Variants in RP1 observed in about 807,000 individuals in gnomAD.
RP1 encodes oxygen-regulated protein 1.
In RP1, 16 loss-of-function variants were observed where a neutral mutation model predicts 14.8. The ratio of observed to expected loss-of-function variants is 1.08; its 90% CI spans 0.73 to 1.65. The LOEUF (loss-of-function observed/expected upper bound fraction) is 1.65. Ranked by LOEUF, RP1 falls within the 40% of genes most tolerant of loss-of-function variation. The pLI is 0.00. For synonymous variants in RP1, 876 were observed against 883.6 expected, an observed-to-expected ratio of 0.99 and a Z score of 0.15; for missense variants, 2,631 against 2,535.0, an observed-to-expected ratio of 1.04 and a Z score of -0.81.
intron 17 of RP1, among the ~76,000 whole-genome samples, chr8:54,726,874 G>C (rs1434556690): frequency 6.6e-6 from 1 of 151,538 alleles, no homozygotes; most frequent in Non-Finnish European, 1.5e-5. Context: ...TTAAAAAAAA[G>C]TGCTCTCGGT....
At chr8:54,560,479 T>C (rs1586382610) in intron 1 of RP1, 1 of 152,156 alleles carries the variant, frequency 6.6e-6, no homozygotes, top group East Asian at 2.0e-4. Flanking sequence ...TAGGTGCCGA[T>C]GGTGCAGGTG....
At chr8:54,739,100 C>G in intron 19 of RP1, 1 of 1,113,994 alleles carries the variant, frequency 9.0e-7, no homozygotes. Flanking sequence ...CTATGTAAAG[C>G]AGTGAAAACG....
At chr8:54,671,434 C>G (rs1278376912) in intron 7 of RP1, among the ~76,000 whole-genome samples, 1 of 152,110 alleles carries the variant, frequency 6.6e-6, no homozygotes, top group East Asian at 1.9e-4. Context: ...CCCTTTGTCT[C>G]TCTCTTTTCC....
chr8:54,607,918 C>A (rs917150977), intron 1 of RP1, among the ~76,000 whole-genome samples: 3 of 152,068 alleles, frequency 2.0e-5, no homozygotes, highest in African/African-American at 7.2e-5. Flanking sequence ...GTGGGAGTGA[C>A]CTGGTTTTCC....
chr8:54,673,971 T>C (rs1807237709), intron 8 of RP1: 1 of 1,409,382 alleles, frequency 7.1e-7, no homozygotes, highest in Non-Finnish European at 9.7e-7. Flanking sequence ...CTGATTCCAT[T>C]CTGTTTATAT....
chr8:54,678,660 G>C, intron 9 of RP1: 2 of 685,454 alleles, frequency 2.9e-6, no homozygotes, highest in South Asian at 4.0e-5. Context: ...TAACTTTTGT[G>C]AACATTAATT....
intron 1 of RP1, among the ~76,000 whole-genome samples, chr8:54,583,580 A>T (rs950473470): frequency 1.6e-4 from 24 of 152,342 alleles, no homozygotes; most frequent in Middle Eastern, 3.4e-3. Context: ...GAATGGTACC[A>T]GTTCCTCCTT....
At chr8:54,688,190 T>C (rs2129338323) in intron 12 of RP1, among the ~76,000 whole-genome samples, 1 of 152,330 alleles carries the variant, frequency 6.6e-6, no homozygotes, top group East Asian at 1.9e-4. Flanking sequence ...TTGTTTAAGT[T>C]CTTTGTAGAT....
At chr8:54,736,796 C>T (rs893707872) in intron 18 of RP1, among the ~76,000 whole-genome samples, 1 of 152,112 alleles carries the variant, frequency 6.6e-6, no homozygotes, top group African/African-American at 2.4e-5. Context: ...GTTCCCATCC[C>T]AGACCTACTG....
Position 54,622,201 on chromosome 8 carries a change from A to G in RP1, c.700A>G (p.Ile234Val). 1 of 1,614,216 alleles carries G rather than the reference A, an allele frequency of 6.2e-7. No individual in the cohort carries two copies. The part of the protein sequence containing the change: ...REPFKPGNYD[I>V]QKYLLPARLP... The stretch of plus-strand genomic sequence containing the variant: ...GCCATTTAAACCAGGAAATTATGAC[A>G]TCCAAAAATACTTGCTTCCTGCTAG... Residue 234 changes from isoleucine to valine, a missense_variant, in exon 3 of 4, where the codon ATC (isoleucine) becomes GTC (valine). By Grantham distance (29) the Ile-to-Val change is conservative. Coordinates refer to ENST00000220676, the MANE Select transcript of RP1 (RefSeq NM_006269.2).
Position 54,626,086 on chromosome 8 carries a change from A to G in RP1, c.2204A>G (p.Asp735Gly), listed in dbSNP as rs749836657. ...TGTGAGGAAGACCTCCAGAAAAGTG[A>G]TACTGTAATTGAATCAAATACTTTT... ...ILCEEDLQKS[D>G]TVIESNTFCS... Residue 735 changes from aspartate to glycine, a missense_variant, in exon 4 of 4, where the codon GAT becomes GGT. Asp to Gly is a moderately conservative substitution (Grantham distance 94). Coordinates refer to ENST00000220676, the MANE Select transcript of RP1 (RefSeq NM_006269.2). 6 of 1,613,528 alleles carry G rather than the reference A, an allele frequency of 3.7e-6. No individual in the cohort carries two copies. The African/African-American group carries it at 6.7e-5, about 18-fold the overall frequency.
At chr8:54,779,375 T>G (rs951766475) in intron 23 of RP1, among the ~76,000 whole-genome samples, 1 of 152,202 alleles carries the variant, frequency 6.6e-6, no homozygotes, top group Admixed American at 6.5e-5. Flanking sequence ...GAAGAGTGTT[T>G]TCCCTCAGTA....
At chr8:54,845,779 G>A (rs766237188) in intron 25 of RP1, among the ~76,000 whole-genome samples, 2 of 152,160 alleles carry the variant, frequency 1.3e-5, no homozygotes, top group Non-Finnish European at 2.9e-5. Flanking sequence ...CTGACTGTGG[G>A]TGAGGCAGCC....
intron 27 of RP1, among the ~76,000 whole-genome samples, chr8:54,862,038 A>T (rs1812353966): frequency 6.6e-6 from 1 of 152,130 alleles, no homozygotes; most frequent in African/African-American, 2.4e-5. Context: ...AGGTGTTACT[A>T]CCAGCACATA....
exon 12 of RP1, chr8:54,679,863 G>A: frequency 6.5e-7 from 1 of 1,536,072 alleles, no homozygotes; most frequent in Non-Finnish European, 8.7e-7. Context: ...ATAACAAGCT[G>A]ACTGGAGGGT....
chr8:54,678,069 G>T (rs1168195633), intron 8 of RP1, among the ~76,000 whole-genome samples: 4 of 152,046 alleles, frequency 2.6e-5, no homozygotes, highest in South Asian at 2.1e-4. Context: ...GTTTAAATTT[G>T]AACTTTAAAA....
chr8:54,840,935 T>A (rs1203690131), intron 25 of RP1, among the ~76,000 whole-genome samples: 1 of 152,196 alleles, frequency 6.6e-6, no homozygotes, highest in Non-Finnish European at 1.5e-5. Context: ...CTCTGACATA[T>A]CAGTCCAGTT....
chr8:54,740,570 G>C (rs1200175593), intron 19 of RP1, among the ~76,000 whole-genome samples: 1 of 151,632 alleles, frequency 6.6e-6, no homozygotes, highest in Non-Finnish European at 1.5e-5. Flanking sequence ...AAAAATACAA[G>C]AATTAGCTGG....
At chr8:54,739,776 C>T (rs77577568) in intron 19 of RP1, among the ~76,000 whole-genome samples, 3,418 of 151,610 alleles carry the variant, frequency 0.023, 135 homozygotes, top group African/African-American at 0.077. Flanking sequence ...TAGCCATGTG[C>T]CACATAGGAT....
Sources: allele counts gnomAD v4.1 joint callset (sites outside exome capture counted in the v4.1 genomes callset), GRCh38; gene constraint gnomAD v4.1.1; transcripts MANE v1.5; gene names NCBI Gene and HGNC (gene_info 2026-07-23, HGNC 2026-07-21).